The following PPFIA2 variants were observed in gnomAD, a reference collection of about 807,000 sequenced individuals.
PPFIA2 encodes liprin-alpha-2.
A neutral mutation model predicts 175.5 loss-of-function variants in PPFIA2; 46 were observed. The observed-to-expected ratio is 0.26, with a 90% CI of 0.21 to 0.34. The LOEUF is 0.34. Among genes scored for constraint, PPFIA2 ranks in the 10% least tolerant of loss-of-function variants. The pLI, the probability that PPFIA2 is intolerant of heterozygous loss-of-function variation, is 1.00. For synonymous variants in PPFIA2, 568 were observed against 511.4 expected, an observed-to-expected ratio of 1.11 and a Z score of -1.49; for missense variants, 1,179 against 1,506.1, an observed-to-expected ratio of 0.78 and a Z score of 3.60.
At chr12:81,467,460 G>A (rs1182643808) in intron 4 of PPFIA2, among the ~76,000 whole-genome samples, 1 of 152,178 alleles carries the variant, frequency 6.6e-6, no homozygotes, top group Non-Finnish European at 1.5e-5. Flanking sequence ...AGGCCAAGGC[G>A]AGCGGATTAC....
intron 8 of PPFIA2, among the ~76,000 whole-genome samples, chr12:81,386,036 GA>G (rs1472159026): frequency 6.6e-6 from 1 of 151,844 alleles, no homozygotes; most frequent in Non-Finnish European, 1.5e-5. Flanking sequence ...AGTGCTTTGG[GA>G]GGCTGAGGCA....
At chr12:81,665,258 T>A (rs2069932355) in intron 4 of PPFIA2, among the ~76,000 whole-genome samples, 2 of 152,078 alleles carry the variant, frequency 1.3e-5, no homozygotes, top group South Asian at 4.1e-4. Flanking sequence ...GTTGTTTCAT[T>A]ACTCAGAGCT....
At chr12:81,436,993 C>A (rs533717209) in intron 7 of PPFIA2, among the ~76,000 whole-genome samples, 13 of 152,270 alleles carry the variant, frequency 8.5e-5, no homozygotes, top group African/African-American at 3.1e-4. Flanking sequence ...AAACAAATGG[C>A]ATTCAGAAAA....
At chr12:81,479,248 T>TTTTG (rs1000977917) in intron 4 of PPFIA2, among the ~76,000 whole-genome samples, 5 of 152,098 alleles carry the variant, frequency 3.3e-5, no homozygotes, top group African/African-American at 9.7e-5. Context: ...ACCCCTGCTT[T>TTTTG]TTTGTTTGTT....
chr12:81,509,669 C>T (rs1027868966), intron 4 of PPFIA2, among the ~76,000 whole-genome samples: 1 of 151,824 alleles, frequency 6.6e-6, no homozygotes, highest in Non-Finnish European at 1.5e-5. Flanking sequence ...AGTCTGTCCC[C>T]ATCTCAAAGT....
intron 4 of PPFIA2, among the ~76,000 whole-genome samples, chr12:81,604,196 A>T (rs2060065088): frequency 6.6e-6 from 1 of 151,762 alleles, no homozygotes; most frequent in African/African-American, 2.4e-5. Flanking sequence ...TGGCAAAAGC[A>T]GGAGGTTAAA....
At chr12:81,728,816 A>T (rs1247817385) in intron 3 of PPFIA2, among the ~76,000 whole-genome samples, 2 of 151,436 alleles carry the variant, frequency 1.3e-5, no homozygotes, top group African/African-American at 4.8e-5. Flanking sequence ...GAGTAAACTT[A>T]TTTCAAAACA....
intron 26 of PPFIA2, among the ~76,000 whole-genome samples, chr12:81,281,980 G>T (rs1179588488): frequency 6.6e-6 from 1 of 151,978 alleles, no homozygotes; most frequent in African/African-American, 2.4e-5. Context: ...AGCAAAGCAG[G>T]TCGTCAGCTT....
intron 3 of PPFIA2, among the ~76,000 whole-genome samples, chr12:81,708,454 TTTC>T (rs138102771): frequency 0.32 from 48,365 of 151,836 alleles, 8,614 homozygotes; most frequent in Middle Eastern, 0.48. Context: ...TGCAAAAAGT[TTTC>T]TTAAGTTATT....
At chr12:81,524,768 G>C (rs1464893431) in intron 4 of PPFIA2, among the ~76,000 whole-genome samples, 4 of 152,194 alleles carry the variant, frequency 2.6e-5, no homozygotes. Context: ...GGATGGGGCA[G>C]AATGAAATGG....
chr12:81,570,014 C>T (rs1403536310), intron 4 of PPFIA2, among the ~76,000 whole-genome samples: 1 of 152,126 alleles, frequency 6.6e-6, no homozygotes, highest in Non-Finnish European at 1.5e-5. Flanking sequence ...CAAATCTAGA[C>T]ACAGGCTAGC....
chr12:81,559,246 T>C (rs906709791), intron 4 of PPFIA2, among the ~76,000 whole-genome samples: 31 of 152,212 alleles, frequency 2.0e-4, no homozygotes, highest in African/African-American at 7.5e-4. Context: ...TGATGCTCAT[T>C]ATTAAAAAGG....
chr12:81,307,439 T>G (rs1430612246), intron 22 of PPFIA2, among the ~76,000 whole-genome samples: 1 of 152,214 alleles, frequency 6.6e-6, no homozygotes, highest in South Asian at 2.1e-4. Flanking sequence ...TTCTATATTT[T>G]TATAACTTCC....
Position 81,743,522 on chromosome 12 carries a change from TA to T in PPFIA2, c.249+10450del, listed in dbSNP as rs66667057. Among the ~76,000 whole-genome samples the T allele has an allele frequency of 9.7e-3, 1,415 of 145,138 alleles. 17 individuals are homozygous for T. The highest frequency in any genetic ancestry group is 0.015 in the Non-Finnish European group (1,019 of 65,744). On this transcript the variant is annotated intron_variant, in intron 3 of 32. Coordinates refer to ENST00000549396, the MANE Select transcript of PPFIA2 (RefSeq NM_003625.5). ...GTGGGGGGGTGTTAATAGCTTTTTT[TA>T]AAAAAAAAAGAGAAATGTAGGTACA...
intron 3 of PPFIA2, among the ~76,000 whole-genome samples, chr12:81,683,439 T>A (rs986148923): frequency 1.3e-5 from 2 of 151,994 alleles, no homozygotes; most frequent in Admixed American, 1.3e-4. Context: ...AGCCCAACTA[T>A]CCATTTAAAT....
At chr12:81,650,594 G>T (rs1750852811) in intron 4 of PPFIA2, among the ~76,000 whole-genome samples, 1 of 152,150 alleles carries the variant, frequency 6.6e-6, no homozygotes, top group African/African-American at 2.4e-5. Context: ...ATTTAGGGAG[G>T]TAAAACTAGA....
intron 4 of PPFIA2, among the ~76,000 whole-genome samples, 177 bp from the exon 5 acceptor site, chr12:81,458,043 A>T (rs933162675): frequency 1.3e-5 from 2 of 152,216 alleles, no homozygotes; most frequent in Non-Finnish European, 2.9e-5. Context: ...AATCCATAAT[A>T]TGTGTCATAT....
intron 15 of PPFIA2, among the ~76,000 whole-genome samples, chr12:81,359,104 A>C (rs1444891527): frequency 6.6e-6 from 1 of 152,044 alleles, no homozygotes; most frequent in Admixed American, 6.6e-5. Flanking sequence ...GCTGTCCTAT[A>C]AAATGAAATA....
At chr12:81,725,057 A>C in intron 3 of PPFIA2, among the ~76,000 whole-genome samples, 1 of 150,980 alleles carries the variant, frequency 6.6e-6, no homozygotes, top group Non-Finnish European at 1.5e-5. Flanking sequence ...TGTGATTTTA[A>C]TTTGCATTTC....
Sources: gnomAD v4.1 joint callset for allele counts (sites outside exome capture counted in the v4.1 genomes callset) on GRCh38, gnomAD v4.1.1 for gene constraint, MANE v1.5 for transcripts, NCBI Gene and HGNC (gene_info 2026-07-23, HGNC 2026-07-21) for gene names.